The following NELL2 variants were observed in gnomAD, a reference collection of about 807,000 sequenced individuals.
NELL2 encodes the protein protein kinase C-binding protein NELL2.
A neutral mutation model predicts 109.6 loss-of-function variants in NELL2; 41 were observed. The ratio of observed to expected loss-of-function variants is 0.37; its 90% CI spans 0.29 to 0.49. The LOEUF (loss-of-function observed/expected upper bound fraction) is 0.49. NELL2 is among the 20% of genes least tolerant of loss of function. NELL2 has a pLI of 0.98. For synonymous variants in NELL2, 355 were observed against 344.7 expected (o/e 1.03, Z -0.33); for missense variants, 900 against 1,008.3 (o/e 0.89, Z 1.45).
chr12:44,600,075 C>T (rs750036343), intron 15 of NELL2, among the ~76,000 whole-genome samples: 2 of 150,876 alleles, frequency 1.3e-5, no homozygotes. Context: ...CATTCTCCTG[C>T]CTCAGCCTCC....
At chr12:44,602,347 T>A (rs1945250812) in intron 15 of NELL2, among the ~76,000 whole-genome samples, 1 of 152,130 alleles carries the variant, frequency 6.6e-6, no homozygotes, top group African/African-American at 2.4e-5. Context: ...TTTGCAGATC[T>A]TCCCTTGTAA....
At chr12:44,719,376 T>G (rs1158789231) in intron 9 of NELL2, among the ~76,000 whole-genome samples, 2 of 152,156 alleles carry the variant, frequency 1.3e-5, no homozygotes, top group Non-Finnish European at 2.9e-5. Context: ...AGCAAACCCT[T>G]GTAGAAAGAA....
intron 9 of NELL2, among the ~76,000 whole-genome samples, chr12:44,751,141 A>G (rs1217061311): frequency 1.3e-5 from 2 of 152,184 alleles, no homozygotes; most frequent in Non-Finnish European, 2.9e-5. Flanking sequence ...AATTGGGGTC[A>G]TTAAGGGATG....
At chr12:44,815,826 T>G in intron 3 of NELL2, 160 bp downstream of exon 3, 2 of 649,284 alleles carry the variant, frequency 3.1e-6, no homozygotes, top group Non-Finnish European at 4.9e-6. Context: ...ACCATATTGG[T>G]CAGGCTGGTC....
chr12:44,901,700 A>G (rs1592712873), intron 1 of NELL2, among the ~76,000 whole-genome samples: 1 of 152,336 alleles, frequency 6.6e-6, no homozygotes, highest in Non-Finnish European at 1.5e-5. Flanking sequence ...AGGCTTATCC[A>G]GCATGATCAA....
At chr12:44,844,095 G>T (rs1944304089) in intron 2 of NELL2, among the ~76,000 whole-genome samples, 1 of 152,144 alleles carries the variant, frequency 6.6e-6, no homozygotes, top group Admixed American at 6.5e-5. Context: ...ACTTCATGTG[G>T]CAAAAGGTGA....
chr12:44,555,974 C>T (rs941849492), intron 15 of NELL2, among the ~76,000 whole-genome samples: 5 of 152,156 alleles, frequency 3.3e-5, no homozygotes, highest in Admixed American at 1.3e-4. Flanking sequence ...TGCATGCTGC[C>T]TTCAGGTCCA....
At chr12:44,726,217 C>T (rs1366914169) in intron 9 of NELL2, among the ~76,000 whole-genome samples, 1 of 151,854 alleles carries the variant, frequency 6.6e-6, no homozygotes, top group African/African-American at 2.4e-5. Context: ...AATACATTTA[C>T]TGAAGAAAGA....
intron 2 of NELL2, among the ~76,000 whole-genome samples, chr12:44,833,867 G>A (rs1943964187): frequency 6.6e-6 from 1 of 152,180 alleles, no homozygotes; most frequent in Admixed American, 6.5e-5. Context: ...TCCAGGCTAG[G>A]AAAGTTGTTA....
intron 15 of NELL2, among the ~76,000 whole-genome samples, chr12:44,533,664 T>C (rs1318471797): frequency 6.6e-6 from 1 of 152,164 alleles, no homozygotes; most frequent in Non-Finnish European, 1.5e-5. Context: ...TGATTCTTCT[T>C]GTTTCGTCTA....
intron 12 of NELL2, among the ~76,000 whole-genome samples, chr12:44,694,452 T>C (rs532985387): frequency 1.1e-4 from 17 of 151,784 alleles, no homozygotes; most frequent in Non-Finnish European, 2.2e-4. Context: ...ACAACCTCCA[T>C]AATCATGTGA....
chr12:44,574,756 G>C (rs1366313955), intron 15 of NELL2, among the ~76,000 whole-genome samples: 2 of 152,100 alleles, frequency 1.3e-5, no homozygotes, highest in Non-Finnish European at 2.9e-5. Flanking sequence ...TGTTATTTCT[G>C]CCAAGAATAT....
At chr12:44,672,310 C>G (rs1948167751) in intron 12 of NELL2, among the ~76,000 whole-genome samples, 4 of 152,146 alleles carry the variant, frequency 2.6e-5, no homozygotes, top group Admixed American at 2.6e-4. Context: ...CCTGTCAGAG[C>G]AGAGGTGGCA....
chr12:44,761,710 A>G (rs1366682647), intron 9 of NELL2, among the ~76,000 whole-genome samples: 2 of 152,232 alleles, frequency 1.3e-5, no homozygotes, highest in African/African-American at 2.4e-5. Flanking sequence ...AAAAAGAATG[A>G]AATCACATCT....
At chr12:44,881,821 G>A (rs1945415020) in intron 1 of NELL2, 1 of 151,856 alleles carries the variant, frequency 6.6e-6, no homozygotes, top group Non-Finnish European at 1.5e-5. Flanking sequence ...TACACTTATA[G>A]GAATCCATAA....
chr12:44,521,941 G>C, intron 18 of NELL2, 59 bp downstream of exon 18: 1 of 1,561,224 alleles, frequency 6.4e-7, no homozygotes, highest in East Asian at 2.2e-5. Flanking sequence ...GGACGAGGTT[G>C]CTTCTCTATT....
rs1945311771 is a variant in NELL2 at position 44,876,096 on chromosome 12, G to A, written c.-227C>T. The stretch of plus-strand genomic sequence containing the variant: ...AATGCGCACATCATTCCCACACGCA[G>A]GGCCGAGGCGGCAGCGCGGCCCGGA... On this transcript the variant is annotated 5_prime_UTR_variant, in exon 1 of 20. Coordinates refer to ENST00000429094, the MANE Select transcript of NELL2 (RefSeq NM_001145108.2). 3 of 1,344,566 alleles carry A rather than the reference G, an allele frequency of 2.2e-6. No homozygotes were observed. The highest frequency in any genetic ancestry group is 6.2e-5 in the Admixed American group (2 of 32,170). 83.3% of individuals were successfully genotyped at this position (1,344,566 alleles called of 1,614,324 possible).
chr12:44,637,689 CAT>C (rs1946694435), intron 13 of NELL2, among the ~76,000 whole-genome samples: 1 of 150,786 alleles, frequency 6.6e-6, no homozygotes, highest in East Asian at 2.0e-4. Context: ...ATGAAGAAAA[CAT>C]GTGTTTCTCA....
At chr12:44,722,252 C>G (rs574064626) in intron 9 of NELL2, among the ~76,000 whole-genome samples, 1 of 152,098 alleles carries the variant, frequency 6.6e-6, no homozygotes, top group East Asian at 1.9e-4. Context: ...GAACTGCAAC[C>G]TCAACCTCCC....
Sources: allele counts gnomAD v4.1 joint callset (sites outside exome capture counted in the v4.1 genomes callset), GRCh38; gene constraint gnomAD v4.1.1; transcripts MANE v1.5; gene names NCBI Gene and HGNC (gene_info 2026-07-23, HGNC 2026-07-21).